The following BCAS3 variants were observed in gnomAD, a reference collection of about 807,000 sequenced individuals.
The protein encoded by BCAS3 is BCAS3 microtubule associated cell migration factor.
A neutral mutation model predicts 116.1 loss-of-function variants in BCAS3; 53 were observed. That is an observed-to-expected ratio of 0.46 (90% CI 0.37 to 0.57). The LOEUF is 0.57. Among genes scored for constraint, BCAS3 ranks in the 20% least tolerant of loss-of-function variants. The pLI, the probability that BCAS3 is intolerant of heterozygous loss-of-function variation, is 0.00. For missense variants in BCAS3, 917 were observed against 1,165.4 expected, an observed-to-expected ratio of 0.79 and a Z score of 3.10; for synonymous variants, 391 against 408.2, an observed-to-expected ratio of 0.96 and a Z score of 0.51.
chr17:61,184,221 G>C (rs779135643), intron 22 of BCAS3, among the ~76,000 whole-genome samples: 10 of 152,064 alleles, frequency 6.6e-5, no homozygotes, highest in Non-Finnish European at 1.3e-4. Flanking sequence ...TAAGTACCTT[G>C]AATAATGAGA....
chr17:60,864,160 C>T (rs2054391685), intron 7 of BCAS3, among the ~76,000 whole-genome samples: 1 of 152,168 alleles, frequency 6.6e-6, no homozygotes, highest in African/African-American at 2.4e-5. Context: ...TGGAGATTTT[C>T]CTGGAATCAA....
intron 19 of BCAS3, chr17:61,070,292 C>T (rs1355721860): frequency 3.6e-6 from 5 of 1,386,648 alleles, no homozygotes; most frequent in Non-Finnish European, 5.0e-6. Context: ...GTTCGACTGG[C>T]TCCTGGTTAC....
At position 60,808,023 on chromosome 17, in the gene BCAS3, C is replaced by A; in HGVS notation, c.423C>A (p.Asn141Lys). 6.2e-7 allele frequency: 1 copy of A among 1,608,282 alleles called. No homozygotes were observed. The highest frequency in any genetic ancestry group is 1.1e-5 in the South Asian group (1 of 89,994). The change falls in exon 7 of 24, where the codon AAC (asparagine) becomes AAA (lysine). Residue 141 changes from asparagine (N) to lysine (K), a missense_variant. By Grantham distance (94) the Asn-to-Lys change is moderately conservative. Transcript: ENST00000407086. ...TGTCAGGTGCTCAAAAATGTGATAA[C>A]TTTGCTGAAAAAAGACCCCTCCTTG... ...APQFGAQKCD[N>K]FAEKRPLLGV...
chr17:60,863,284 A>G (rs1281343594), intron 7 of BCAS3, among the ~76,000 whole-genome samples: 4 of 152,146 alleles, frequency 2.6e-5, no homozygotes, highest in African/African-American at 7.2e-5. Flanking sequence ...TACCAGTACC[A>G]TACTATCCTG....
chr17:60,813,311 A>AAGGT (rs1555730691), intron 7 of BCAS3, among the ~76,000 whole-genome samples: 173 of 151,398 alleles, frequency 1.1e-3, no homozygotes, highest in African/African-American at 3.9e-3. Flanking sequence ...AAAAAAAAAA[A>AAGGT]AGGAGGTTAT....
At chr17:61,137,366 A>G (rs1446195943) in intron 22 of BCAS3, among the ~76,000 whole-genome samples, 3 of 152,206 alleles carry the variant, frequency 2.0e-5, no homozygotes, top group Admixed American at 2.0e-4. Flanking sequence ...CCAGCCACAT[A>G]ATGAATTTCT....
intron 23 of BCAS3, among the ~76,000 whole-genome samples, chr17:61,371,276 T>C (rs2059028054): frequency 6.6e-6 from 1 of 152,200 alleles, no homozygotes; most frequent in Non-Finnish European, 1.5e-5. Flanking sequence ...TATGGCCAAT[T>C]TCAACCTGTC....
intron 19 of BCAS3, among the ~76,000 whole-genome samples, chr17:61,045,798 A>G (rs1278344684): frequency 9.2e-6 from 1 of 108,388 alleles, no homozygotes; most frequent in Non-Finnish European, 1.8e-5. Context: ...CCTGGGCAAC[A>G]GAGTGAGTGA....
In BCAS3 at chr17:61,224,836, T is replaced by C. The variant is rs1466955316; in HGVS notation, c.2425+140272T>C. On this transcript the variant is annotated intron_variant, in intron 22 of 23. Coordinates refer to ENST00000407086, the MANE Select transcript of BCAS3 (RefSeq NM_017679.5). This position sits in a 1 kb window ranked among gnomAD's most constrained non-coding sequence, Gnocchi z 5.7. ...ACTTTTAGCACATTTGGCTTCAGCCTAGCCATATTTCAAGTGCTCAGTAGC... is the reference window on the plus strand; with the variant it reads ...ACTTTTAGCACATTTGGCTTCAGCCCAGCCATATTTCAAGTGCTCAGTAGC... 6.6e-6 allele frequency among the ~76,000 whole-genome samples: 1 copy of C among 152,254 alleles called. No individual in the cohort carries two copies. The highest frequency in any genetic ancestry group is 1.5e-5 in the Non-Finnish European group (1 of 68,044).
Position 61,131,293 on chromosome 17 carries a change from T to G in BCAS3, c.2425+46729T>G, listed in dbSNP as rs538080686. On this transcript the variant is annotated intron_variant, in intron 22 of 23. Transcript: ENST00000407086. The surrounding 1 kb of genome is among the most constrained non-coding windows in gnomAD (Gnocchi z 4.4). Reference sequence around the variant, plus strand: ...ATTAGAGAGTTCTTACTTGGAAAGTTTCATTTCCTAATGACATCACTGAAA... The same window carrying G: ...ATTAGAGAGTTCTTACTTGGAAAGTGTCATTTCCTAATGACATCACTGAAA... 2.4e-4 allele frequency among the ~76,000 whole-genome samples: 36 copies of G among 152,308 alleles called. No individual in the cohort carries two copies. Among genetic ancestry groups the G allele is most frequent in the Non-Finnish European group, 4.3e-4 (29 of 68,018 alleles).
chr17:61,074,479 T>C (rs938093262), intron 19 of BCAS3, among the ~76,000 whole-genome samples: 1 of 152,228 alleles, frequency 6.6e-6, no homozygotes, highest in African/African-American at 2.4e-5. Flanking sequence ...CTCAGGTATC[T>C]AAGAAAGATG....
Position 61,189,076 on chromosome 17 carries a change from C to T in BCAS3, c.2425+104512C>T, listed in dbSNP as rs1259307833. On this transcript the variant is annotated intron_variant, in intron 22 of 23. Transcript: ENST00000407086. This position sits in a 1 kb window ranked among gnomAD's most constrained non-coding sequence, Gnocchi z 4.5. ...TGCTATTATGCCCCTACACTCCAGC[C>T]TGGGTGACAAAACAAGACCCTGCCT... 6.6e-6 allele frequency among the ~76,000 whole-genome samples: 1 copy of T among 152,018 alleles called. No homozygotes were observed. The highest frequency in any genetic ancestry group is 2.4e-5 in the African/African-American group (1 of 41,374).
At chr17:60,809,067 T>G (rs2048544265) in intron 7 of BCAS3, among the ~76,000 whole-genome samples, 1 of 152,058 alleles carries the variant, frequency 6.6e-6, no homozygotes, top group African/African-American at 2.4e-5. Flanking sequence ...GCAGATCACT[T>G]GAGGTCAGGA....
intron 21 of BCAS3, among the ~76,000 whole-genome samples, chr17:61,080,233 C>T (rs2072457500): frequency 6.6e-6 from 1 of 152,040 alleles, no homozygotes; most frequent in African/African-American, 2.4e-5. Flanking sequence ...CCACAAACTA[C>T]CTACTCAAGA....
intron 22 of BCAS3, among the ~76,000 whole-genome samples, chr17:61,202,366 G>A (rs1601880589): frequency 6.6e-6 from 1 of 151,934 alleles, no homozygotes; most frequent in South Asian, 2.1e-4. Context: ...ATCTATCACA[G>A]CGAATAAGGT....
chr17:60,880,555 TG>T (rs768961799), intron 9 of BCAS3, among the ~76,000 whole-genome samples: 4 of 152,258 alleles, frequency 2.6e-5, no homozygotes, highest in Non-Finnish European at 4.4e-5. Context: ...CCGAAAGTCC[TG>T]GGATTACAGG....
chr17:60,889,658 A>T, intron 9 of BCAS3, 37 bp from the exon 10 acceptor site: 1 of 1,541,114 alleles, frequency 6.5e-7, no homozygotes, highest in Non-Finnish European at 9.0e-7. Context: ...AAAAGTTATT[A>T]AGAAATTTCT....
In BCAS3 at chr17:60,878,643, C is replaced by T. The variant is rs141715888; in HGVS notation, c.661+3905C>T. ...CCACAGGTCCCCCTTACCTGTTCAT[C>T]TACAAATACCCTTACCAATAGTGGT... On this transcript the variant is annotated intron_variant, in intron 9 of 23. Transcript: ENST00000407086. Among the ~76,000 whole-genome samples the T allele has an allele frequency of 5.3e-5, 8 of 152,266 alleles. No individual in the cohort carries two copies. The East Asian group carries it at 1.2e-3, about 22-fold the overall frequency.
intron 7 of BCAS3, among the ~76,000 whole-genome samples, chr17:60,866,575 T>C (rs1484508869): frequency 6.6e-6 from 1 of 152,250 alleles, no homozygotes; most frequent in African/African-American, 2.4e-5. Flanking sequence ...AAAGTGACTC[T>C]TCTACCTTAC....
Sources: allele counts gnomAD v4.1 joint callset (sites outside exome capture counted in the v4.1 genomes callset), GRCh38; gene constraint gnomAD v4.1.1; non-coding constraint Gnocchi (gnomAD v3.1); transcripts MANE v1.5; gene names NCBI Gene and HGNC (gene_info 2026-07-23, HGNC 2026-07-21).